The following PRKAR2B variants were observed in gnomAD, a reference collection of about 807,000 sequenced individuals.
The protein encoded by PRKAR2B is protein kinase cAMP-dependent type II regulatory subunit beta, also known as cAMP-dependent protein kinase type II-beta regulatory subunit.
PRKAR2B carries 14 observed loss-of-function variants against 49.9 expected under a neutral mutation model. The observed-to-expected ratio is 0.28, with a 90% CI of 0.19 to 0.44. The LOEUF is 0.44. Ranked by LOEUF, PRKAR2B falls within the 20% of genes least tolerant of loss-of-function variation. PRKAR2B has a pLI of 1.00. For synonymous variants in PRKAR2B, 196 were observed against 197.7 expected (o/e 0.99, Z 0.07); for missense variants, 393 against 537.9 (o/e 0.73, Z 2.67).
intron 2 of PRKAR2B, among the ~76,000 whole-genome samples, chr7:107,108,896 T>C (rs752931145): frequency 3.0e-4 from 45 of 152,136 alleles, no homozygotes; most frequent in Non-Finnish European, 4.1e-4. Context: ...CAGGAAACAA[T>C]TCAAGAAAAG....
intron 5 of PRKAR2B, among the ~76,000 whole-genome samples, chr7:107,144,404 C>A (rs545019844): frequency 2.0e-5 from 3 of 151,498 alleles, no homozygotes; most frequent in Admixed American, 6.6e-5. Context: ...CAATTATTTT[C>A]TTCTGTCTAT....
At chr7:107,156,913 A>G in intron 8 of PRKAR2B, 71 bp from the exon 9 acceptor site, 2 of 1,328,824 alleles carry the variant, frequency 1.5e-6, no homozygotes, top group Non-Finnish European at 1.1e-6. Context: ...TTTTAGGGAT[A>G]TGAAAGGTAA....
chr7:107,073,141 T>C (rs977580474), intron 2 of PRKAR2B, among the ~76,000 whole-genome samples: 5 of 152,238 alleles, frequency 3.3e-5, no homozygotes, highest in Non-Finnish European at 5.9e-5. Context: ...ATATTCATAC[T>C]GCATCTATCA....
chr7:107,117,642 G>C (rs887318787), intron 2 of PRKAR2B, among the ~76,000 whole-genome samples: 4 of 152,110 alleles, frequency 2.6e-5, no homozygotes, highest in African/African-American at 9.7e-5. Flanking sequence ...GTGCAGAGTC[G>C]TTTTGACCAT....
At chr7:107,097,245 C>G (rs188446702) in intron 2 of PRKAR2B, among the ~76,000 whole-genome samples, 2 of 152,172 alleles carry the variant, frequency 1.3e-5, no homozygotes, top group East Asian at 3.9e-4. Context: ...TGAATTGATC[C>G]CTTTACCATT....
At chr7:107,087,004 A>G (rs1794632333) in intron 2 of PRKAR2B, among the ~76,000 whole-genome samples, 1 of 152,190 alleles carries the variant, frequency 6.6e-6, no homozygotes, top group South Asian at 2.1e-4. Context: ...AAATAATTAC[A>G]GAATAGTTTT....
At chr7:107,079,293 T>C (rs1278341567) in intron 2 of PRKAR2B, among the ~76,000 whole-genome samples, 2 of 152,150 alleles carry the variant, frequency 1.3e-5, no homozygotes, top group East Asian at 3.8e-4. Context: ...TAATTGTATC[T>C]AAACACTGTT....
intron 1 of PRKAR2B, among the ~76,000 whole-genome samples, chr7:107,052,004 C>T (rs546100748): frequency 6.6e-6 from 1 of 152,256 alleles, no homozygotes; most frequent in African/African-American, 2.4e-5. Flanking sequence ...CCGTTTGTTC[C>T]ATTTGTTCTA....
At chr7:107,139,829 C>T (rs1414754163) in intron 4 of PRKAR2B, among the ~76,000 whole-genome samples, 1 of 152,204 alleles carries the variant, frequency 6.6e-6, no homozygotes, top group East Asian at 1.9e-4. Flanking sequence ...CTTGTTTCTT[C>T]AACCTGTGTT....
chr7:107,097,015 G>T (rs1300864429), intron 2 of PRKAR2B, among the ~76,000 whole-genome samples: 1 of 152,214 alleles, frequency 6.6e-6, no homozygotes, highest in Non-Finnish European at 1.5e-5. Flanking sequence ...TTCTGTAGAT[G>T]TCTACTAGGT....
intron 1 of PRKAR2B, among the ~76,000 whole-genome samples, chr7:107,051,714 C>T (rs1017915270): frequency 6.6e-6 from 1 of 151,956 alleles, no homozygotes; most frequent in African/African-American, 2.4e-5. Context: ...GCAATAGGCT[C>T]TGCCATGTGT....
At chr7:107,075,130 G>A (rs1177589818) in intron 2 of PRKAR2B, among the ~76,000 whole-genome samples, 1 of 149,888 alleles carries the variant, frequency 6.7e-6, no homozygotes, top group Non-Finnish European at 1.5e-5. Flanking sequence ...TTGAGATGGA[G>A]TCTCGCTCTG....
At chr7:107,048,479 G>A (rs1028692030) in intron 1 of PRKAR2B, among the ~76,000 whole-genome samples, 1 of 152,068 alleles carries the variant, frequency 6.6e-6, no homozygotes, top group South Asian at 2.1e-4. Flanking sequence ...CGTAAGTGAT[G>A]GTATTTATGA....
At chr7:107,084,269 T>G (rs1032569854) in intron 2 of PRKAR2B, among the ~76,000 whole-genome samples, 4 of 152,186 alleles carry the variant, frequency 2.6e-5, no homozygotes, top group Non-Finnish European at 5.9e-5. Context: ...AATCAATTCA[T>G]CATTCAAAGT....
intron 4 of PRKAR2B, among the ~76,000 whole-genome samples, chr7:107,130,647 C>G (rs1374473529): frequency 1.3e-5 from 2 of 152,188 alleles, no homozygotes; most frequent in East Asian, 3.8e-4. Context: ...TCAGTTCATT[C>G]AATCCACGTT....
At chr7:107,054,911 A>G (rs979539427) in intron 1 of PRKAR2B, among the ~76,000 whole-genome samples, 2 of 152,168 alleles carry the variant, frequency 1.3e-5, no homozygotes, top group African/African-American at 4.8e-5. Context: ...TGCTACACCC[A>G]TTAACTCTTC....
At chr7:107,046,686 C>G (rs574538879) in intron 1 of PRKAR2B, among the ~76,000 whole-genome samples, 1 of 152,118 alleles carries the variant, frequency 6.6e-6, no homozygotes, top group African/African-American at 2.4e-5. Context: ...TAAGAAGCAG[C>G]AGCCAGTAAC....
Position 107,153,346 on chromosome 7 carries a change from A to G in PRKAR2B, c.918+95A>G, listed in dbSNP as rs117275809. ...ATAAACTTTTCATATTTCTAAAATTAGTATGCAGTGATGGGTTAAATAAAT... is the reference window on the plus strand; with the variant it reads ...ATAAACTTTTCATATTTCTAAAATTGGTATGCAGTGATGGGTTAAATAAAT... On this transcript the variant is annotated intron_variant, in intron 8 of 10. Transcript: ENST00000265717. 5.8e-4 allele frequency: 486 copies of G among 831,260 alleles called. 3 individuals are homozygous for G. The highest frequency in any genetic ancestry group is 2.5e-3 in the Middle Eastern group (8 of 3,166). The allele number at this position is 831,260 out of a possible 1,614,324, so 51.5% of individuals were successfully genotyped here.
chr7:107,075,401 ATTT>A (rs773470781), intron 2 of PRKAR2B, among the ~76,000 whole-genome samples: 1 of 137,930 alleles, frequency 7.3e-6, no homozygotes. Flanking sequence ...ACACCTGGCA[ATTT>A]TTTTTTTTTT....
Sources: allele counts gnomAD v4.1 joint callset (sites outside exome capture counted in the v4.1 genomes callset), GRCh38; gene constraint gnomAD v4.1.1; transcripts MANE v1.5; gene names NCBI Gene and HGNC (gene_info 2026-07-23, HGNC 2026-07-21).